The following LRRC4C variants were observed in gnomAD, a reference collection of about 807,000 sequenced individuals.
LRRC4C encodes the protein leucine rich repeat containing 4C, also known as leucine-rich repeat-containing protein 4C.
In LRRC4C, 5 loss-of-function variants were observed where a neutral mutation model predicts 33.6. That is an observed-to-expected ratio of 0.15 (90% CI 0.08 to 0.31). The LOEUF (loss-of-function observed/expected upper bound fraction) is 0.31, where lower values mean the gene tolerates loss of function less well. LRRC4C is among the 10% of genes least tolerant of loss of function. The pLI is 1.00. For missense variants in LRRC4C, 560 were observed against 796.7 expected, an observed-to-expected ratio of 0.70 and a Z score of 3.58; for synonymous variants, 329 against 302.0, an observed-to-expected ratio of 1.09 and a Z score of -0.93.
At chr11:41,422,128 T>G (rs1954890678) in intron 1 of LRRC4C, among the ~76,000 whole-genome samples, 1 of 152,010 alleles carries the variant, frequency 6.6e-6, no homozygotes, top group Admixed American at 6.6e-5. Flanking sequence ...GAGTAATAAC[T>G]AAAGGGTTGG....
intron 3 of LRRC4C, among the ~76,000 whole-genome samples, chr11:40,394,362 G>T (rs1182536658): frequency 6.6e-6 from 1 of 152,118 alleles, no homozygotes; most frequent in African/African-American, 2.4e-5. Flanking sequence ...TTTCAGCTAA[G>T]AATTATCTTC....
At chr11:41,391,175 GT>G (rs2138000308) in intron 1 of LRRC4C, among the ~76,000 whole-genome samples, 1 of 151,836 alleles carries the variant, frequency 6.6e-6, no homozygotes, top group Admixed American at 6.6e-5. Context: ...TTGGTTTAAG[GT>G]AACATTTCTC....
intron 5 of LRRC4C, among the ~76,000 whole-genome samples, chr11:40,210,900 G>A (rs905252750): frequency 5.3e-5 from 8 of 152,098 alleles, no homozygotes; most frequent in Non-Finnish European, 1.0e-4. Flanking sequence ...AGCTTCCTGT[G>A]TAACTGGGAT....
chr11:40,811,336 C>A (rs1305919718), intron 2 of LRRC4C, among the ~76,000 whole-genome samples: 1 of 152,066 alleles, frequency 6.6e-6, no homozygotes, highest in African/African-American at 2.4e-5. Flanking sequence ...GTACCTCAAG[C>A]TTATTATATT....
At chr11:40,647,641 G>T (rs566349366) in intron 3 of LRRC4C, among the ~76,000 whole-genome samples, 81 of 152,142 alleles carry the variant, frequency 5.3e-4, no homozygotes, top group African/African-American at 1.9e-3. Flanking sequence ...AAAGCTTTCC[G>T]ATCTCCCCAG....
chr11:40,861,892 G>A (rs772259304), intron 2 of LRRC4C, among the ~76,000 whole-genome samples: 1 of 152,124 alleles, frequency 6.6e-6, no homozygotes, highest in African/African-American at 2.4e-5. Context: ...AGTTCTCAGC[G>A]TAACTCATTA....
chr11:40,135,183 T>G (rs538012083), intron 6 of LRRC4C, among the ~76,000 whole-genome samples: 1 of 152,350 alleles, frequency 6.6e-6, no homozygotes, highest in African/African-American at 2.4e-5. Context: ...GTGATTTTTT[T>G]GTTTCTTCCT....
intron 3 of LRRC4C, among the ~76,000 whole-genome samples, chr11:40,612,504 C>T (rs776293484): frequency 6.6e-6 from 1 of 151,818 alleles, no homozygotes; most frequent in African/African-American, 2.4e-5. Context: ...GTGTACTGTA[C>T]ATTTAAACAG....
At chr11:40,603,144 C>CA (rs1960201767) in intron 3 of LRRC4C, among the ~76,000 whole-genome samples, 1 of 152,118 alleles carries the variant, frequency 6.6e-6, no homozygotes, top group Non-Finnish European at 1.5e-5. Flanking sequence ...GACAATTACT[C>CA]ACAATGCAGA....
At chr11:41,164,642 C>A (rs1327202037) in intron 1 of LRRC4C, among the ~76,000 whole-genome samples, 1 of 152,114 alleles carries the variant, frequency 6.6e-6, no homozygotes, top group Non-Finnish European at 1.5e-5. Flanking sequence ...ATTAGGACAG[C>A]TATGAGGTCA....
At chr11:40,567,078 A>G (rs749775920) in intron 3 of LRRC4C, among the ~76,000 whole-genome samples, 1 of 152,152 alleles carries the variant, frequency 6.6e-6, no homozygotes, top group Non-Finnish European at 1.5e-5. Flanking sequence ...AAATCATTCA[A>G]TTAAGAAGCA....
At chr11:40,605,336 G>A (rs1403738531) in intron 3 of LRRC4C, among the ~76,000 whole-genome samples, 1 of 152,132 alleles carries the variant, frequency 6.6e-6, no homozygotes, top group African/African-American at 2.4e-5. Context: ...GTGAGAATGT[G>A]AATATAAGGG....
intron 3 of LRRC4C, among the ~76,000 whole-genome samples, chr11:40,384,088 G>A (rs1207719446): frequency 6.6e-6 from 1 of 151,648 alleles, no homozygotes; most frequent in East Asian, 1.9e-4. Flanking sequence ...CTGTGGAGAA[G>A]TTTTTTAGTT....
At chr11:41,339,634 A>G (rs1951567238) in intron 1 of LRRC4C, among the ~76,000 whole-genome samples, 1 of 152,170 alleles carries the variant, frequency 6.6e-6, no homozygotes, top group Non-Finnish European at 1.5e-5. Context: ...AAATGCTACC[A>G]TGACTCAAAC....
chr11:41,010,759 C>T (rs1415633798), intron 1 of LRRC4C, among the ~76,000 whole-genome samples: 1 of 152,214 alleles, frequency 6.6e-6, no homozygotes, highest in Non-Finnish European at 1.5e-5. Flanking sequence ...TCAGGACTTT[C>T]CTGCCCCATT....
rs397935483 is a variant in LRRC4C at position 41,059,210 on chromosome 11, G to GT, written c.-495-125488dup. Among the ~76,000 whole-genome samples, 11 of 125,196 alleles carry GT rather than the reference G, an allele frequency of 8.8e-5. 1 individual carries two copies. The highest frequency in any genetic ancestry group is 3.2e-4 in the African/African-American group (11 of 34,778). The allele number at this position is 125,196 out of a possible 152,430, so 82.1% of individuals were successfully genotyped here. ...ATATACTCCTGATACTAAAATAAAA[G>GT]TTTTTTTTTTTTTTTAAGAAAAAGA... On this transcript the variant is annotated intron_variant, in intron 1 of 6. Transcript: ENST00000528697.
chr11:40,456,497 G>A (rs1952136628), intron 3 of LRRC4C, among the ~76,000 whole-genome samples: 1 of 151,866 alleles, frequency 6.6e-6, no homozygotes, highest in Non-Finnish European at 1.5e-5. Context: ...AGAAAAAAAA[G>A]TGACAGAAAA....
chr11:41,123,271 T>G (rs1188259455), intron 1 of LRRC4C, among the ~76,000 whole-genome samples: 4 of 84,770 alleles, frequency 4.7e-5, no homozygotes, highest in South Asian at 5.3e-4. Context: ...GTTTTTTTTT[T>G]TTTTTTTTTT....
intron 1 of LRRC4C, among the ~76,000 whole-genome samples, chr11:41,144,912 G>A (rs1360474411): frequency 6.6e-6 from 1 of 152,050 alleles, no homozygotes; most frequent in Non-Finnish European, 1.5e-5. Context: ...CCAATGTTTT[G>A]AAGGCTAAGA....
Sources: gnomAD v4.1 joint callset for allele counts (sites outside exome capture counted in the v4.1 genomes callset) on GRCh38, gnomAD v4.1.1 for gene constraint, MANE v1.5 for transcripts, NCBI Gene and HGNC (gene_info 2026-07-23, HGNC 2026-07-21) for gene names.